TENM3: variants seen among roughly 807,000 people sequenced by gnomAD.
TENM3 encodes teneurin transmembrane protein 3.
In TENM3, 63 loss-of-function variants were observed where a neutral mutation model predicts 255.1. The observed-to-expected ratio is 0.25, with a 90% confidence interval of 0.20 to 0.30. The LOEUF (loss-of-function observed/expected upper bound fraction) is 0.30, where lower values mean the gene tolerates loss of function less well. Ranked by LOEUF, TENM3 falls within the 10% of genes least tolerant of loss-of-function variation. The pLI is 1.00. For missense variants in TENM3, 2,929 were observed against 3,461.1 expected, an observed-to-expected ratio of 0.85 and a Z score of 3.86; for synonymous variants, 1,306 against 1,322.3, an observed-to-expected ratio of 0.99 and a Z score of 0.27.
At chr4:181,709,873 A>AT in the TENM3 span, among the ~76,000 whole-genome samples, 28 of 152,322 alleles carry the variant, frequency 1.8e-4, no homozygotes, top group African/African-American at 6.0e-4. Context: ...AAAATCAGGG[A>AT]TGAATCAAGT....
chr4:182,103,989 AAT>A, the TENM3 span, among the ~76,000 whole-genome samples: 1 of 152,200 alleles, frequency 6.6e-6, no homozygotes, highest in African/African-American at 2.4e-5. Context: ...GCTTTTATTC[AAT>A]CAGGTAAAAG....
At chr4:181,633,984 A>T in the TENM3 span, among the ~76,000 whole-genome samples, 1 of 152,120 alleles carries the variant, frequency 6.6e-6, no homozygotes, top group Non-Finnish European at 1.5e-5. Context: ...ACCTTCTTCC[A>T]TATTTGCGGT....
chr4:181,487,577 C>T, the TENM3 span, among the ~76,000 whole-genome samples: 3 of 152,146 alleles, frequency 2.0e-5, no homozygotes, highest in Non-Finnish European at 4.4e-5. Flanking sequence ...CAAGGAGGCT[C>T]TGCCCTCATG....
chr4:182,033,643 T>C, the TENM3 span, among the ~76,000 whole-genome samples: 9 of 152,168 alleles, frequency 5.9e-5, no homozygotes, highest in Non-Finnish European at 4.4e-5. Context: ...GGTGCTAAAG[T>C]CTCCCACTAT....
chr4:181,450,861 C>T, the TENM3 span, among the ~76,000 whole-genome samples: 1 of 152,170 alleles, frequency 6.6e-6, no homozygotes, highest in Admixed American at 6.5e-5. Context: ...TATAATTGAT[C>T]TGAATGATGG....
At chr4:182,152,049 T>G (rs1750391610) in intron 1 of TENM3, among the ~76,000 whole-genome samples, 1 of 151,992 alleles carries the variant, frequency 6.6e-6, no homozygotes, top group Non-Finnish European at 1.5e-5. Context: ...GAAATGTTAT[T>G]CCTCATCTTT....
chr4:181,586,079 C>A, the TENM3 span, among the ~76,000 whole-genome samples: 8 of 152,148 alleles, frequency 5.3e-5, no homozygotes, highest in East Asian at 3.9e-4. Flanking sequence ...GTAATTATTT[C>A]TTTGCATTTA....
chr4:181,570,111 T>C, the TENM3 span, among the ~76,000 whole-genome samples: 1 of 141,884 alleles, frequency 7.0e-6, no homozygotes, highest in Admixed American at 7.4e-5. Context: ...AGTGGCACAA[T>C]CTCGGCTCAC....
chr4:182,065,950 A>T, the TENM3 span, among the ~76,000 whole-genome samples: 1 of 152,234 alleles, frequency 6.6e-6, no homozygotes, highest in African/African-American at 2.4e-5. Context: ...TTAACAGTGC[A>T]GCTGCAAACA....
At chr4:182,234,026 T>TTATC (rs1390898319) in intron 1 of TENM3, among the ~76,000 whole-genome samples, 1 of 152,204 alleles carries the variant, frequency 6.6e-6, no homozygotes. Context: ...GTTGATTCCT[T>TTATC]TATCGGCCTT....
chr4:182,547,837 T>C (rs1056365014), intron 3 of TENM3, among the ~76,000 whole-genome samples: 2 of 152,190 alleles, frequency 1.3e-5, no homozygotes, highest in East Asian at 1.9e-4. Flanking sequence ...ACTACAGATA[T>C]TAAGGCATGG....
chr4:181,630,556 T>C, the TENM3 span, among the ~76,000 whole-genome samples: 1 of 152,194 alleles, frequency 6.6e-6, no homozygotes. Context: ...TCTCATTGGT[T>C]TCAAAGAACA....
chr4:182,702,081 G>T (rs779295116), intron 12 of TENM3, among the ~76,000 whole-genome samples: 32 of 152,174 alleles, frequency 2.1e-4, no homozygotes, highest in Admixed American at 7.2e-4. Flanking sequence ...TTTTAGAAAA[G>T]ATTAATTTAT....
At chr4:182,001,020 T>TTTA in the TENM3 span, among the ~76,000 whole-genome samples, 338 of 148,752 alleles carry the variant, frequency 2.3e-3, 1 homozygote, top group African/African-American at 8.0e-3. Flanking sequence ...TTTTTTTTTT[T>TTTA]AATAATTCAC....
chr4:182,679,492 G>A (rs1755940028), intron 7 of TENM3, among the ~76,000 whole-genome samples, 174 bp from the exon 8 acceptor site: 1 of 152,124 alleles, frequency 6.6e-6, no homozygotes, highest in Non-Finnish European at 1.5e-5. Context: ...CGAATAGTTT[G>A]CGTCCTCCTT....
At chr4:181,607,813 GC>G in the TENM3 span, among the ~76,000 whole-genome samples, 1 of 152,052 alleles carries the variant, frequency 6.6e-6, no homozygotes, top group African/African-American at 2.4e-5. Context: ...AAGCCAAATT[GC>G]TCTGCCAAAT....
rs748767039 is a variant in TENM3 at position 182,346,665 on chromosome 4, C to A, written c.247C>A (p.Leu83Ile). 1.2e-6 allele frequency: 2 copies of A among 1,613,562 alleles called. No individual in the cohort carries two copies. Among genetic ancestry groups the A allele is most frequent in the Non-Finnish European group, 8.5e-7 (1 of 1,179,792 alleles). The change falls in exon 3 of 28, where the codon CTA (leucine) becomes ATA (isoleucine). Residue 83 changes from leucine to isoleucine, a missense_variant. Leu to Ile is a conservative substitution (Grantham distance 5, BLOSUM62 2). Transcript: ENST00000511685. ...CCCCTAATTAGGACAGAATTTTACC[C>A]TAAGGCAGTTAGGAGTTTGTGAACC... ...EFTRQGQNFT[L>I]RQLGVCEPAT...
the TENM3 span, among the ~76,000 whole-genome samples, chr4:181,518,043 A>G: frequency 5.9e-5 from 9 of 152,240 alleles, no homozygotes; most frequent in African/African-American, 2.2e-4. Context: ...CAAGGGAAAA[A>G]AAATAGTCAA....
intron 3 of TENM3, among the ~76,000 whole-genome samples, chr4:182,536,513 G>A (rs1222053494): frequency 6.6e-6 from 1 of 152,230 alleles, no homozygotes; most frequent in Non-Finnish European, 1.5e-5. Context: ...AAGTGGGTCA[G>A]AGGATCACAT....
Sources: gnomAD v4.1 joint callset for allele counts (sites outside exome capture counted in the v4.1 genomes callset) on GRCh38, gnomAD v4.1.1 for gene constraint, MANE v1.5 for transcripts, NCBI Gene and HGNC (gene_info 2026-07-23, HGNC 2026-07-21) for gene names.